HIVEP1: variants seen among roughly 807,000 people sequenced by gnomAD.
The protein encoded by HIVEP1 is HIVEP zinc finger 1.
A neutral mutation model predicts 180.0 loss-of-function variants in HIVEP1; 36 were observed. That is an observed-to-expected ratio of 0.20 (90% CI 0.15 to 0.26). The LOEUF is 0.26. HIVEP1 is among the 10% of genes least tolerant of loss of function. The pLI is 1.00. For synonymous variants in HIVEP1, 1,239 were observed against 1,239.0 expected (o/e 1.00, Z 0.00); for missense variants, 3,143 against 3,268.7 (o/e 0.96, Z 0.94).
chr6:12,054,285 C>T (rs1481551753), intron 2 of HIVEP1, among the ~76,000 whole-genome samples: 1 of 152,114 alleles, frequency 6.6e-6, no homozygotes, highest in East Asian at 1.9e-4. Flanking sequence ...GGTATATTTA[C>T]AAGAAAACAT....
At chr6:12,044,360 T>A (rs1281025015) in intron 2 of HIVEP1, among the ~76,000 whole-genome samples, 1 of 152,254 alleles carries the variant, frequency 6.6e-6, no homozygotes, top group Non-Finnish European at 1.5e-5. Flanking sequence ...AACAATAATA[T>A]TTTCAGTTGA....
At position 12,063,777 on chromosome 6, in the gene HIVEP1, AC is replaced by A. The variant is rs1356491522; in HGVS notation, c.41-25405del. Among the ~76,000 whole-genome samples, 5 of 152,166 alleles carry A rather than the reference AC, an allele frequency of 3.3e-5. No homozygotes were observed. Among genetic ancestry groups the A allele is most frequent in the African/African-American group, 1.2e-4 (5 of 41,424 alleles). ...GGCAGTCTGCAAGACTGACTCTCCA[AC>A]CAAGTGAAACCTCTTGTGTACCAGC... On this transcript the variant is annotated intron_variant, in intron 2 of 8. Coordinates refer to ENST00000379388, the MANE Select transcript of HIVEP1 (RefSeq NM_002114.4). This position sits in a 1 kb window ranked among gnomAD's most constrained non-coding sequence, Gnocchi z 4.2.
chr6:12,113,972 TTTAA>T lies in HIVEP1; in HGVS notation c.95-5911_95-5908del, dbSNP rs563122756. ...TTAATTAATTTTTAAATTTGTTTTA[TTTAA>T]TTAATTTTTCTGTCTTGTATCTTTA... On this transcript the variant is annotated intron_variant, in intron 3 of 8. Transcript: ENST00000379388. 2.8e-3 allele frequency among the ~76,000 whole-genome samples: 424 copies of T among 152,358 alleles called. 4 individuals are homozygous for T. Among genetic ancestry groups the T allele is most frequent in the African/African-American group, 9.4e-3 (391 of 41,570 alleles).
chr6:12,148,856 A>G (rs762889266), intron 7 of HIVEP1, among the ~76,000 whole-genome samples: 1 of 152,322 alleles, frequency 6.6e-6, no homozygotes, highest in East Asian at 1.9e-4. Context: ...TGAAAATCCA[A>G]AATAACCCAG....
chr6:12,028,089 T>G (rs1386095349), intron 2 of HIVEP1, among the ~76,000 whole-genome samples: 2 of 152,242 alleles, frequency 1.3e-5, no homozygotes, highest in African/African-American at 4.8e-5. Flanking sequence ...AACCTCTTTA[T>G]TTTGGTCCAT....
Position 12,072,387 on chromosome 6 carries a change from C to G in HIVEP1, c.41-16797C>G, listed in dbSNP as rs184159961. 8.6e-4 allele frequency among the ~76,000 whole-genome samples: 131 copies of G among 152,204 alleles called. 1 individual carries two copies. The highest frequency in any genetic ancestry group is 3.0e-3 in the African/African-American group (126 of 41,522). ...TGCCTCGCTGCTTCTCCCTCCCCTT[C>G]CCCTCTCCCACTTCGTGCCCCTCCC... On this transcript the variant is annotated intron_variant, in intron 2 of 8. Coordinates refer to ENST00000379388, the MANE Select transcript of HIVEP1 (RefSeq NM_002114.4).
intron 7 of HIVEP1, among the ~76,000 whole-genome samples, chr6:12,145,467 A>G (rs1258098291): frequency 6.6e-6 from 1 of 151,164 alleles, no homozygotes; most frequent in East Asian, 1.9e-4. Flanking sequence ...TGTATACCCT[A>G]TGTAACAAAC....
chr6:12,123,017 T>C lies in HIVEP1; in HGVS notation c.3222T>C (p.Asn1074=). ...LGCNPSLPKH[N]VTIRSDQQHK... ...GTAATCCCAGTTTGCCTAAACATAATGTTACCATAAGAAGTGACCAGCAGC... is the reference window on the plus strand; with the variant it reads ...GTAATCCCAGTTTGCCTAAACATAACGTTACCATAAGAAGTGACCAGCAGC... The change falls in exon 4 of 9, where the codon AAT becomes AAC. Residue 1074 remains asparagine (N), a synonymous_variant. Transcript: ENST00000379388. 6.2e-7 allele frequency: 1 copy of C among 1,614,206 alleles called. No homozygotes were observed. Among genetic ancestry groups the C allele is most frequent in the Non-Finnish European group, 8.5e-7 (1 of 1,180,036 alleles).
intron 2 of HIVEP1, among the ~76,000 whole-genome samples, chr6:12,084,083 C>A (rs945142536): frequency 1.3e-5 from 2 of 152,024 alleles, no homozygotes; most frequent in African/African-American, 4.8e-5. Context: ...AGGTTCCAGG[C>A]CCAGTGAGTT....
In HIVEP1 at chr6:12,121,876, G is replaced by C. The variant is rs752253211; in HGVS notation, c.2081G>C (p.Arg694Thr). Reference protein sequence around the residue: ...QTVSPPTPFARRLPSTEQDSG... With the variant: ...QTVSPPTPFATRLPSTEQDSG... ...GTGAGTCCACCAACTCCCTTTGCCAGAAGGTTACCCAGCACAGAACAAGAC... is the reference window on the plus strand; with the variant it reads ...GTGAGTCCACCAACTCCCTTTGCCACAAGGTTACCCAGCACAGAACAAGAC... Residue 694 changes from arginine to threonine, a missense_variant, in exon 4 of 9, where the codon AGA becomes ACA. Around this residue, in one of 12 missense-constraint regions of HIVEP1, gnomAD observed 365 missense variants for 344.4 expected, o/e 1.06. Transcript: ENST00000379388. The surrounding 1 kb of genome is among the most constrained non-coding windows in gnomAD (Gnocchi z 5.3). 4.3e-6 allele frequency: 7 copies of C among 1,614,186 alleles called. No homozygotes were observed. In the South Asian group the frequency reaches 7.7e-5, roughly 18 times the overall value.
At chr6:12,064,162 G>A (rs1405940381) in intron 2 of HIVEP1, among the ~76,000 whole-genome samples, 2 of 151,946 alleles carry the variant, frequency 1.3e-5, no homozygotes, top group African/African-American at 4.8e-5. Flanking sequence ...TTTTTTTAAT[G>A]TATTGTGACT....
At chr6:12,052,406 A>G (rs1169636713) in intron 2 of HIVEP1, among the ~76,000 whole-genome samples, 1 of 152,218 alleles carries the variant, frequency 6.6e-6, no homozygotes, top group Non-Finnish European at 1.5e-5. Flanking sequence ...AATGTTCTAA[A>G]TATACCTCCA....
chr6:12,117,847 G>T (rs1009018565), intron 3 of HIVEP1, among the ~76,000 whole-genome samples: 3 of 152,072 alleles, frequency 2.0e-5, no homozygotes, highest in Non-Finnish European at 2.9e-5. Flanking sequence ...TCACCTTTAT[G>T]ATACCCACAT....
intron 2 of HIVEP1, among the ~76,000 whole-genome samples, chr6:12,023,880 G>A (rs1404865128): frequency 6.6e-6 from 1 of 152,166 alleles, no homozygotes; most frequent in Admixed American, 6.5e-5. Flanking sequence ...CATAATTTGT[G>A]TAAAATCTCC....
In HIVEP1 at chr6:12,130,861, A is replaced by G. The variant is rs1011110100; in HGVS notation, c.6304A>G (p.Met2102Val). Residue 2102 changes from methionine (M) to valine (V), a missense_variant, in exon 6 of 9, where the codon ATG becomes GTG. Around this residue, in one of 12 missense-constraint regions of HIVEP1, gnomAD observed 126 missense variants for 168.5 expected, o/e 0.75. Transcript: ENST00000379388. ...ECGIRCKKPS[M>V]LKKHIRTHTD... ...TGGAATACGTTGTAAGAAACCTAGCATGTTAAAGAAACACATACGAACCCA... is the reference window on the plus strand; with the variant it reads ...TGGAATACGTTGTAAGAAACCTAGCGTGTTAAAGAAACACATACGAACCCA... 3 of 1,612,936 alleles carry G rather than the reference A, an allele frequency of 1.9e-6. No homozygotes were observed. Among genetic ancestry groups the G allele is most frequent in the Non-Finnish European group, 2.5e-6 (3 of 1,179,034 alleles).
At chr6:12,066,725 G>A (rs1262661736) in intron 2 of HIVEP1, among the ~76,000 whole-genome samples, 2 of 151,976 alleles carry the variant, frequency 1.3e-5, no homozygotes, top group Admixed American at 6.6e-5. Context: ...ATATTTGTTC[G>A]GAACCACTTT....
chr6:12,015,326 T>C (rs2113564355), intron 1 of HIVEP1, among the ~76,000 whole-genome samples, 200 bp from the exon 2 acceptor site: 1 of 152,348 alleles, frequency 6.6e-6, no homozygotes, highest in Non-Finnish European at 1.5e-5. Flanking sequence ...ACGGTGTTTT[T>C]TTTCTGTTTT....
chr6:12,066,877 T>A, intron 2 of HIVEP1, among the ~76,000 whole-genome samples: 1 of 151,762 alleles, frequency 6.6e-6, no homozygotes, highest in South Asian at 2.1e-4. Flanking sequence ...TGTGTGTGTG[T>A]GTGTGTATAT....
intron 7 of HIVEP1, among the ~76,000 whole-genome samples, chr6:12,137,091 T>A (rs1008946102): frequency 2.6e-5 from 4 of 152,216 alleles, no homozygotes; most frequent in Non-Finnish European, 5.9e-5. Context: ...CTGAATTTAC[T>A]TATAAATATA....
Sources: gnomAD v4.1 joint callset for allele counts (sites outside exome capture counted in the v4.1 genomes callset) on GRCh38, gnomAD v4.1.1 for gene constraint, gnomAD v4.1.1 regional missense constraint, Gnocchi (gnomAD v3.1) non-coding constraint, MANE v1.5 for transcripts, NCBI Gene and HGNC (gene_info 2026-07-23, HGNC 2026-07-21) for gene names.